The following VPS13B variants were observed in gnomAD, a reference collection of about 807,000 sequenced individuals.
VPS13B encodes vacuolar protein sorting 13 homolog B.
VPS13B carries 285 observed loss-of-function variants against 426.4 expected under a neutral mutation model. The observed-to-expected ratio is 0.67, with a 90% confidence interval of 0.61 to 0.74. The LOEUF (loss-of-function observed/expected upper bound fraction) is 0.74, where lower values mean the gene tolerates loss of function less well. Among genes scored for constraint, VPS13B ranks in the 30% least tolerant of loss-of-function variants. The pLI is 0.00. For synonymous variants in VPS13B, 1,676 were observed against 1,676.4 expected, an observed-to-expected ratio of 1.00 and a Z score of 0.01; for missense variants, 4,537 against 4,782.6, an observed-to-expected ratio of 0.95 and a Z score of 1.51.
intron 17 of VPS13B, among the ~76,000 whole-genome samples, chr8:99,248,882 C>T (rs1817360318): frequency 6.6e-6 from 1 of 152,116 alleles, no homozygotes; most frequent in African/African-American, 2.4e-5. Context: ...GCCCACTTCC[C>T]CTTATTAGGT....
At chr8:99,096,842 C>T (rs926272382) in intron 4 of VPS13B, among the ~76,000 whole-genome samples, 9 of 151,812 alleles carry the variant, frequency 5.9e-5, no homozygotes, top group African/African-American at 2.2e-4. Context: ...GCTATATGTG[C>T]ATATGTACTT....
chr8:99,739,031 C>G (rs960896930), intron 39 of VPS13B, among the ~76,000 whole-genome samples: 3 of 152,228 alleles, frequency 2.0e-5, no homozygotes, highest in African/African-American at 7.2e-5. Flanking sequence ...GAGGCATCGC[C>G]TCACCCAGGA....
intron 19 of VPS13B, among the ~76,000 whole-genome samples, chr8:99,286,388 A>G (rs1241729220): frequency 6.6e-6 from 1 of 152,158 alleles, no homozygotes; most frequent in African/African-American, 2.4e-5. Flanking sequence ...ATTTTATTTA[A>G]CTCATCATTA....
At chr8:99,575,418 GGAT>G in intron 31 of VPS13B, among the ~76,000 whole-genome samples, 1 of 152,072 alleles carries the variant, frequency 6.6e-6, no homozygotes. Context: ...AAAAGTCCTG[GGAT>G]GATACTAATA....
At chr8:99,040,797 A>G (rs569163554) in intron 3 of VPS13B, among the ~76,000 whole-genome samples, 1 of 152,274 alleles carries the variant, frequency 6.6e-6, no homozygotes, top group Admixed American at 6.5e-5. Context: ...AAAAACTATT[A>G]TGCATAGGAA....
At chr8:99,593,029 G>A (rs994501603) in intron 33 of VPS13B, among the ~76,000 whole-genome samples, 33 of 151,796 alleles carry the variant, frequency 2.2e-4, no homozygotes, top group South Asian at 2.1e-4. Context: ...CGAAGATGCC[G>A]AAAGTAACCC....
intron 3 of VPS13B, among the ~76,000 whole-genome samples, chr8:99,083,023 A>G (rs1041210035): frequency 4.6e-5 from 7 of 152,164 alleles, no homozygotes; most frequent in Non-Finnish European, 1.0e-4. Context: ...CTTGATGGGA[A>G]TGGCATTGAA....
intron 19 of VPS13B, among the ~76,000 whole-genome samples, chr8:99,281,921 T>C (rs1245933684): frequency 1.3e-5 from 2 of 152,166 alleles, no homozygotes; most frequent in Non-Finnish European, 2.9e-5. Flanking sequence ...CAACCATAAG[T>C]TTATATCTTT....
At chr8:99,841,178 T>G (rs1227444406) in intron 54 of VPS13B, among the ~76,000 whole-genome samples, 8 of 152,242 alleles carry the variant, frequency 5.3e-5, no homozygotes, top group Non-Finnish European at 1.2e-4. Context: ...CCTTCCTACC[T>G]TGATCAACTT....
chr8:99,677,146 A>C (rs905313565), intron 35 of VPS13B, among the ~76,000 whole-genome samples: 1 of 152,196 alleles, frequency 6.6e-6, no homozygotes, highest in East Asian at 1.9e-4. Context: ...AGCTAATTTT[A>C]ATAATTTATT....
chr8:99,478,485 T>TG (rs1423384261), intron 24 of VPS13B, among the ~76,000 whole-genome samples: 156 of 148,718 alleles, frequency 1.0e-3, no homozygotes, highest in South Asian at 1.1e-3. Context: ...TTTTTTTTTT[T>TG]TGCCGAGGCA....
chr8:99,080,809 TG>T (rs1364552350), intron 3 of VPS13B, among the ~76,000 whole-genome samples: 11 of 152,232 alleles, frequency 7.2e-5, no homozygotes, highest in Non-Finnish European at 4.4e-5. Context: ...TTTCTTCGTG[TG>T]CTTTAGAATG....
intron 36 of VPS13B, among the ~76,000 whole-genome samples, chr8:99,700,624 A>G (rs1019037318): frequency 2.0e-5 from 3 of 152,260 alleles, no homozygotes; most frequent in Non-Finnish European, 4.4e-5. Context: ...CTGCAAAGTG[A>G]CTGCCATTGA....
At chr8:99,540,939 G>A (rs1176977382) in intron 30 of VPS13B, among the ~76,000 whole-genome samples, 2 of 151,938 alleles carry the variant, frequency 1.3e-5, no homozygotes, top group Non-Finnish European at 2.9e-5. Flanking sequence ...ATAGAGTCAT[G>A]GTATAGAAGC....
At chr8:99,352,742 T>G (rs1811960167) in intron 19 of VPS13B, among the ~76,000 whole-genome samples, 1 of 151,504 alleles carries the variant, frequency 6.6e-6, no homozygotes, top group African/African-American at 2.4e-5. Flanking sequence ...TAGAATCGCT[T>G]GAACCCGGGA....
chr8:99,266,875 TC>T (rs968366788), intron 17 of VPS13B, among the ~76,000 whole-genome samples: 2 of 152,194 alleles, frequency 1.3e-5, no homozygotes, highest in African/African-American at 4.8e-5. Context: ...AAACCTCTTT[TC>T]TTTATAAATT....
chr8:99,229,152 T>C (rs1243774637), intron 17 of VPS13B, among the ~76,000 whole-genome samples: 1 of 151,926 alleles, frequency 6.6e-6, no homozygotes, highest in Non-Finnish European at 1.5e-5. Flanking sequence ...AAAAAAAGGG[T>C]CGGGAACAAG....
chr8:99,086,767 C>G (rs1245513560), intron 3 of VPS13B, among the ~76,000 whole-genome samples: 1 of 152,192 alleles, frequency 6.6e-6, no homozygotes, highest in African/African-American at 2.4e-5. Context: ...GGCTGCAGAA[C>G]AGTGGATATT....
At chr8:99,729,213 C>T (rs1346319968) in intron 39 of VPS13B, among the ~76,000 whole-genome samples, 3 of 152,138 alleles carry the variant, frequency 2.0e-5, no homozygotes, top group Non-Finnish European at 2.9e-5. Context: ...TTTTATGTCA[C>T]ATCTCTCTTA....
Sources: gnomAD v4.1 joint callset for allele counts (sites outside exome capture counted in the v4.1 genomes callset) on GRCh38, gnomAD v4.1.1 for gene constraint, MANE v1.5 for transcripts, NCBI Gene and HGNC (gene_info 2026-07-23, HGNC 2026-07-21) for gene names.